RBMS3: variants seen among roughly 807,000 people sequenced by gnomAD.
The protein encoded by RBMS3 is RNA binding motif single stranded interacting protein 3.
A neutral mutation model predicts 66.8 loss-of-function variants in RBMS3; 27 were observed. The ratio of observed to expected loss-of-function variants is 0.40; its 90% CI spans 0.30 to 0.56. The LOEUF (loss-of-function observed/expected upper bound fraction) is 0.56, where lower values mean the gene tolerates loss of function less well. Ranked by LOEUF, RBMS3 falls within the 20% of genes least tolerant of loss-of-function variation. The pLI, the probability that RBMS3 is intolerant of heterozygous loss-of-function variation, is 0.40. For synonymous variants in RBMS3, 188 were observed against 183.0 expected (o/e 1.03, Z -0.22); for missense variants, 513 against 549.5 (o/e 0.93, Z 0.66).
At chr3:29,475,493 G>A (rs113681111) in intron 2 of RBMS3, among the ~76,000 whole-genome samples, 3,604 of 152,080 alleles carry the variant, frequency 0.024, 145 homozygotes, top group African/African-American at 0.082. Flanking sequence ...CAGGCAATCC[G>A]TCCAGCTCAG....
At chr3:29,875,726 T>C (rs915012607) in intron 7 of RBMS3, among the ~76,000 whole-genome samples, 1 of 152,188 alleles carries the variant, frequency 6.6e-6, no homozygotes, top group Admixed American at 6.5e-5. Context: ...TAAAACTTTT[T>C]TTTCCAAGAT....
intron 3 of RBMS3, among the ~76,000 whole-genome samples, chr3:29,491,458 A>C (rs910317938): frequency 6.6e-6 from 1 of 152,230 alleles, no homozygotes. Flanking sequence ...CTTTTTGTGA[A>C]CATTACATAT....
At position 29,331,615 on chromosome 3, in the gene RBMS3, A is replaced by G. The variant is rs553940150; in HGVS notation, c.75+49859A>G. On this transcript the variant is annotated intron_variant, in intron 1 of 14. Transcript: ENST00000383767. ...TTGAGACATCATTCCTTTTTCTGTG[A>G]TCCATGTAGAATGTTATAGTCAGAC... 2.0e-5 allele frequency among the ~76,000 whole-genome samples: 3 copies of G among 152,080 alleles called. No individual in the cohort carries two copies. In the South Asian group the frequency reaches 6.2e-4, roughly 32 times the overall value.
chr3:29,563,806 C>G (rs532252490), intron 3 of RBMS3, among the ~76,000 whole-genome samples: 52 of 152,042 alleles, frequency 3.4e-4, no homozygotes, highest in African/African-American at 1.2e-3. Context: ...AGGAGGACCA[C>G]TTGGGGCCAG....
At chr3:29,624,896 G>A (rs1309002128) in intron 4 of RBMS3, among the ~76,000 whole-genome samples, 2 of 152,134 alleles carry the variant, frequency 1.3e-5, no homozygotes, top group Non-Finnish European at 2.9e-5. Flanking sequence ...TGTTGATATA[G>A]TTTGTCTCTG....
intron 4 of RBMS3, among the ~76,000 whole-genome samples, chr3:29,682,816 A>AAG (rs1034132259): frequency 6.6e-6 from 1 of 152,056 alleles, no homozygotes; most frequent in Non-Finnish European, 1.5e-5. Flanking sequence ...CAAAGTAGGA[A>AAG]AGAGAGAGAG....
intron 6 of RBMS3, among the ~76,000 whole-genome samples, chr3:29,832,603 C>T (rs552724574): frequency 6.6e-6 from 1 of 152,238 alleles, no homozygotes; most frequent in African/African-American, 2.4e-5. Flanking sequence ...TAAAAACAAG[C>T]AAGTAGTTAG....
chr3:29,665,363 A>C (rs2050710465), intron 4 of RBMS3, among the ~76,000 whole-genome samples: 1 of 152,220 alleles, frequency 6.6e-6, no homozygotes. Flanking sequence ...TAAAAAATCA[A>C]TATAGTTTGA....
At chr3:29,497,973 A>ATTTTTTTTTTTTTTTTTTTTTTT (rs779555263) in intron 3 of RBMS3, among the ~76,000 whole-genome samples, 2 of 43,416 alleles carry the variant, frequency 4.6e-5, no homozygotes, top group African/African-American at 9.9e-5. Context: ...AAAAGTATTC[A>ATTTTTTTTTTTTTTTTTTTTTTT]TTTTTTTTTT....
At chr3:29,426,425 T>A (rs1364482821) in intron 1 of RBMS3, among the ~76,000 whole-genome samples, 1 of 152,238 alleles carries the variant, frequency 6.6e-6, no homozygotes, top group Non-Finnish European at 1.5e-5. Context: ...TCATTTAATA[T>A]CTAAGCCTCT....
rs186608960 is a variant in RBMS3 at position 29,462,019 on chromosome 3, G to A, written c.249-26422G>A. ...TCTCGATCTCCTGACCTCATGATCC[G>A]CCCGTCTCAGCTTCCCAAAGTGCTG... On this transcript the variant is annotated intron_variant, in intron 2 of 14. Coordinates refer to ENST00000383767, the MANE Select transcript of RBMS3 (RefSeq NM_001003793.3). Among the ~76,000 whole-genome samples, 236 of 137,144 alleles carry A rather than the reference G, an allele frequency of 1.7e-3. 1 individual carries two copies. Among genetic ancestry groups the A allele is most frequent in the Middle Eastern group, 0.013 (3 of 228 alleles). The allele number at this position is 137,144 out of a possible 152,430, so 90.0% of individuals were successfully genotyped here.
At chr3:29,813,464 C>T (rs1319899385) in intron 6 of RBMS3, among the ~76,000 whole-genome samples, 1 of 152,070 alleles carries the variant, frequency 6.6e-6, no homozygotes, top group East Asian at 1.9e-4. Flanking sequence ...GCGATGCGGG[C>T]TCTTTTTTGG....
At chr3:29,834,907 G>C (rs905626112) in intron 6 of RBMS3, among the ~76,000 whole-genome samples, 2 of 151,928 alleles carry the variant, frequency 1.3e-5, no homozygotes, top group Non-Finnish European at 2.9e-5. Flanking sequence ...TCAGCTTTAA[G>C]GAAATTCGTA....
chr3:29,743,869 A>G (rs1175375856), intron 5 of RBMS3, among the ~76,000 whole-genome samples: 6 of 147,038 alleles, frequency 4.1e-5, no homozygotes, highest in Non-Finnish European at 7.5e-5. Flanking sequence ...AGCATTAGGT[A>G]TATCTCCTAA....
rs375693393 is a variant in RBMS3, at chr3:29,540,135, A to G, written c.308-46979A>G. ...TTATGTTTCATTTTAACTACCATGC[A>G]CTTAAGTATTTCCTTGTCCATAGGC... On this transcript the variant is annotated intron_variant, in intron 3 of 14. Transcript: ENST00000383767. Among the ~76,000 whole-genome samples, 6 of 152,302 alleles carry G rather than the reference A, an allele frequency of 3.9e-5. No homozygotes were observed. In the East Asian group the frequency reaches 5.8e-4, roughly 15 times the overall value.
chr3:29,425,189 C>CAA (rs35181201), intron 1 of RBMS3, among the ~76,000 whole-genome samples: 98 of 114,620 alleles, frequency 8.5e-4, no homozygotes, highest in East Asian at 3.4e-3. Flanking sequence ...TAAAAAATAC[C>CAA]AAAAAAAAAA....
Position 29,762,997 on chromosome 3 carries a change from A to G in RBMS3, c.637+8A>G. On this transcript the variant is annotated splice_region_variant and intron_variant, in intron 6 of 14. Transcript: ENST00000383767. Reference sequence around the variant, plus strand: ...CACCACCAGGCATCCCAGGTAAGAAATTCACTAATAAGTGACTGAATGATG... The same window carrying G: ...CACCACCAGGCATCCCAGGTAAGAAGTTCACTAATAAGTGACTGAATGATG... The G allele has an allele frequency of 1.9e-6, 3 of 1,556,488 alleles. No individual in the cohort carries two copies. The highest frequency in any genetic ancestry group is 2.6e-6 in the Non-Finnish European group (3 of 1,134,006).
At chr3:29,541,774 A>T (rs9812490) in intron 3 of RBMS3, among the ~76,000 whole-genome samples, 3,232 of 150,820 alleles carry the variant, frequency 0.021, 109 homozygotes, top group African/African-American at 0.074. Flanking sequence ...TCTGTCCCCC[A>T]CCTCCTCTGC....
chr3:29,341,212 T>A (rs956892955), intron 1 of RBMS3, among the ~76,000 whole-genome samples: 12 of 152,102 alleles, frequency 7.9e-5, no homozygotes, highest in Non-Finnish European at 1.8e-4. Context: ...TCTTAAGTAA[T>A]GAAACTGACA....
Sources: gnomAD v4.1 joint callset for allele counts (sites outside exome capture counted in the v4.1 genomes callset) on GRCh38, gnomAD v4.1.1 for gene constraint, MANE v1.5 for transcripts, NCBI Gene and HGNC (gene_info 2026-07-23, HGNC 2026-07-21) for gene names.